PTGER3: variants seen among roughly 807,000 people sequenced by gnomAD.
PTGER3 encodes the protein prostaglandin E receptor 3.
PTGER3 carries 22 observed loss-of-function variants against 34.7 expected under a neutral mutation model. The ratio of observed to expected loss-of-function variants is 0.63; its 90% CI spans 0.45 to 0.91. The LOEUF (loss-of-function observed/expected upper bound fraction) is 0.91, where lower values mean the gene tolerates loss of function less well. Among genes scored for constraint, PTGER3 ranks in the 40% least tolerant of loss-of-function variants. PTGER3 has a pLI of 0.00. For synonymous variants in PTGER3, 241 were observed against 230.1 expected, an observed-to-expected ratio of 1.05 and a Z score of -0.43; for missense variants, 468 against 519.4, an observed-to-expected ratio of 0.90 and a Z score of 0.96.
downstream of PTGER3, among the ~76,000 whole-genome samples, chr1:70,949,097 T>TTATG (rs1208384735): frequency 6.6e-6 from 1 of 151,904 alleles, no homozygotes; most frequent in Non-Finnish European, 1.5e-5. Flanking sequence ...TGGGAAAAGT[T>TTATG]TATGCGGCGG....
At chr1:70,886,643 T>C (rs1646504468) in intron 4 of PTGER3, among the ~76,000 whole-genome samples, 1 of 152,218 alleles carries the variant, frequency 6.6e-6, no homozygotes, top group Non-Finnish European at 1.5e-5. Flanking sequence ...ACTCTCTGCA[T>C]CTTTACTCTG....
At chr1:70,896,540 G>A (rs1334467044) in intron 4 of PTGER3, among the ~76,000 whole-genome samples, 1 of 152,208 alleles carries the variant, frequency 6.6e-6, no homozygotes, top group East Asian at 1.9e-4. Context: ...GGAGCTGTGA[G>A]ACAGTAAATT....
chr1:70,987,632 A>G (rs1481274174), intron 2 of PTGER3, among the ~76,000 whole-genome samples: 1 of 152,204 alleles, frequency 6.6e-6, no homozygotes, highest in Non-Finnish European at 1.5e-5. Context: ...AGGTGTGGTC[A>G]CTGTCAGGGG....
At chr1:70,986,164 T>G (rs1294706365) in intron 2 of PTGER3, among the ~76,000 whole-genome samples, 1 of 152,102 alleles carries the variant, frequency 6.6e-6, no homozygotes, top group Non-Finnish European at 1.5e-5. Context: ...TTACCCTATA[T>G]GGTCTAAAAA....
intron 2 of PTGER3, among the ~76,000 whole-genome samples, chr1:70,954,088 A>C (rs1039322286): frequency 2.0e-5 from 3 of 151,738 alleles, no homozygotes; most frequent in African/African-American, 7.3e-5. Flanking sequence ...TCCCGTCCCC[A>C]CTCCTCTGTC....
intron 1 of PTGER3, among the ~76,000 whole-genome samples, chr1:71,046,405 C>G (rs549212562): frequency 6.6e-6 from 1 of 152,248 alleles, no homozygotes; most frequent in African/African-American, 2.4e-5. Context: ...ATGACACATC[C>G]TGTCTCCTAC....
intron 4 of PTGER3, among the ~76,000 whole-genome samples, chr1:70,860,281 T>G (rs1572475687): frequency 2.0e-5 from 3 of 152,302 alleles, no homozygotes; most frequent in African/African-American, 7.2e-5. Context: ...TCAAATAATA[T>G]TTTATTCAAT....
chr1:71,006,484 C>G (rs1245363501), intron 2 of PTGER3: 24 of 985,364 alleles, frequency 2.4e-5, no homozygotes, highest in Non-Finnish European at 2.9e-5. Context: ...TGAGCAAGGA[C>G]AATTCTTATT....
At position 70,974,389 on chromosome 1, in the gene PTGER3, C is replaced by T. The variant is rs776366518; in HGVS notation, c.1078-1G>A. ...CATAGTTGTTTGTGTGGTACCTGAT[C>T]TGTGAACAGACAGAGGATTTCACAG... On this transcript the variant is annotated splice_acceptor_variant, in intron 2 of 3. Coordinates refer to ENST00000306666, the MANE Select transcript of PTGER3 (RefSeq NM_198719.2). LOFTEE classifies it high-confidence loss of function. The T allele has an allele frequency of 3.1e-6, 3 of 977,816 alleles. No individual in the cohort carries two copies. The highest frequency in any genetic ancestry group is 5.0e-6 in the Non-Finnish European group (3 of 598,750). The allele number at this position is 977,816 out of a possible 1,614,324, so 60.6% of individuals were successfully genotyped here. A position where few individuals can be genotyped will look rare whatever the true frequency, so the allele number is the denominator to read the frequency against.
chr1:70,943,344 C>A (rs1219771180), intron 4 of PTGER3, among the ~76,000 whole-genome samples: 2 of 152,084 alleles, frequency 1.3e-5, no homozygotes, highest in Admixed American at 6.6e-5. Flanking sequence ...GCCAGGGTGA[C>A]AATCATGTAG....
intron 4 of PTGER3, among the ~76,000 whole-genome samples, chr1:70,869,727 T>C (rs1557616960): frequency 6.6e-6 from 1 of 152,172 alleles, no homozygotes; most frequent in Admixed American, 6.5e-5. Flanking sequence ...TCCAAAATAG[T>C]CTCATTTGAC....
At chr1:71,026,316 T>C (rs934792741) in intron 1 of PTGER3, among the ~76,000 whole-genome samples, 18 of 152,214 alleles carry the variant, frequency 1.2e-4, no homozygotes, top group African/African-American at 4.3e-4. Flanking sequence ...TTGAATGTTA[T>C]GTATTACAAA....
intron 4 of PTGER3, among the ~76,000 whole-genome samples, chr1:70,885,341 T>C (rs1458071734): frequency 1.3e-5 from 2 of 152,188 alleles, no homozygotes; most frequent in African/African-American, 4.8e-5. Context: ...CATTTATTCA[T>C]TAAGCTTTTC....
intron 4 of PTGER3, chr1:70,869,120 T>A (rs564962415): frequency 8.4e-6 from 3 of 355,202 alleles, no homozygotes; most frequent in Middle Eastern, 4.8e-4. Flanking sequence ...GCTTTACTCA[T>A]AACGGAAGGC....
chr1:70,861,702 A>C (rs61777099), intron 4 of PTGER3, among the ~76,000 whole-genome samples: 5 of 142,144 alleles, frequency 3.5e-5, no homozygotes, highest in African/African-American at 1.1e-4. Context: ...TTCCATTAGC[A>C]AAAAAAAAAA....
intron 2 of PTGER3, chr1:71,008,170 A>T: frequency 1.0e-6 from 1 of 957,414 alleles, no homozygotes; most frequent in Non-Finnish European, 1.2e-6. Flanking sequence ...ACTAGGAGAA[A>T]ACAGTGTAGT....
chr1:70,928,903 T>C (rs1648414113), intron 4 of PTGER3, among the ~76,000 whole-genome samples: 1 of 151,540 alleles, frequency 6.6e-6, no homozygotes, highest in South Asian at 2.1e-4. Flanking sequence ...ACACTATATA[T>C]ATACACACAT....
At chr1:71,001,017 G>A (rs955877404) in intron 2 of PTGER3, among the ~76,000 whole-genome samples, 1 of 152,136 alleles carries the variant, frequency 6.6e-6, no homozygotes, top group East Asian at 1.9e-4. Context: ...TTAAAATTAT[G>A]GTGTCATATG....
intron 1 of PTGER3, among the ~76,000 whole-genome samples, chr1:71,030,891 GAAGTGATTTGAAA>G: frequency 6.6e-6 from 1 of 151,672 alleles, no homozygotes; most frequent in East Asian, 1.9e-4. Context: ...TATTTTCAAC[GAAGTGATTTGAAA>G]ATATTTTTAT....
Sources: allele counts gnomAD v4.1 joint callset (sites outside exome capture counted in the v4.1 genomes callset), GRCh38; gene constraint gnomAD v4.1.1; transcripts MANE v1.5; gene names NCBI Gene and HGNC (gene_info 2026-07-23, HGNC 2026-07-21).